KIRREL1: variants seen among roughly 807,000 people sequenced by gnomAD.
The protein encoded by KIRREL1 is kin of IRRE-like protein 1.
KIRREL1 carries 25 observed loss-of-function variants against 83.3 expected under a neutral mutation model. That is an observed-to-expected ratio of 0.30 (90% CI 0.22 to 0.42). The LOEUF (loss-of-function observed/expected upper bound fraction) is 0.42. Among genes scored for constraint, KIRREL1 ranks in the 10% least tolerant of loss-of-function variants. The probability of loss-of-function intolerance (pLI) is 1.00; values close to 1 mark genes in which losing one functional copy is unlikely to be tolerated. For synonymous variants in KIRREL1, 388 were observed against 410.4 expected, an observed-to-expected ratio of 0.95 and a Z score of 0.66; for missense variants, 812 against 1,032.3, an observed-to-expected ratio of 0.79 and a Z score of 2.92.
intron 1 of KIRREL1, among the ~76,000 whole-genome samples, chr1:158,019,303 A>C (rs1407760093): frequency 1.3e-5 from 2 of 152,178 alleles, no homozygotes; most frequent in Non-Finnish European, 2.9e-5. Context: ...GAAGGTGGAA[A>C]AAAAAGGCAT....
chr1:158,019,465 G>A (rs745952151), intron 1 of KIRREL1, among the ~76,000 whole-genome samples: 3 of 152,156 alleles, frequency 2.0e-5, no homozygotes, highest in Non-Finnish European at 4.4e-5. Flanking sequence ...GTGATTGAGA[G>A]GGGGAGGTAG....
At chr1:158,081,507 A>G (rs1661854947) in intron 3 of KIRREL1, among the ~76,000 whole-genome samples, 1 of 152,152 alleles carries the variant, frequency 6.6e-6, no homozygotes, top group South Asian at 2.1e-4. Context: ...GTATTTTTGA[A>G]GTTTTATAAA....
At chr1:158,047,889 A>T (rs1660816906) in intron 1 of KIRREL1, among the ~76,000 whole-genome samples, 1 of 152,058 alleles carries the variant, frequency 6.6e-6, no homozygotes, top group African/African-American at 2.4e-5. Flanking sequence ...TCCTAACCTC[A>T]TGCCCCTTCT....
intron 1 of KIRREL1, among the ~76,000 whole-genome samples, chr1:158,042,054 T>C (rs1660642308): frequency 6.6e-6 from 1 of 152,128 alleles, no homozygotes; most frequent in African/African-American, 2.4e-5. Context: ...TCAGAGAACT[T>C]GTTCAGAGAA....
At chr1:158,071,089 C>A (rs1661498585) in intron 1 of KIRREL1, among the ~76,000 whole-genome samples, 1 of 152,146 alleles carries the variant, frequency 6.6e-6, no homozygotes, top group African/African-American at 2.4e-5. Flanking sequence ...TGCCTTCCTT[C>A]CCCCCTGCTT....
intron 1 of KIRREL1, among the ~76,000 whole-genome samples, chr1:158,069,521 G>A (rs2101616754): frequency 6.6e-6 from 1 of 152,314 alleles, no homozygotes; most frequent in East Asian, 1.9e-4. Context: ...GGAGCAGGGA[G>A]CTGGAGAACA....
chr1:158,021,378 G>C (rs1466593029), intron 1 of KIRREL1, among the ~76,000 whole-genome samples: 1 of 152,186 alleles, frequency 6.6e-6, no homozygotes, highest in Non-Finnish European at 1.5e-5. Context: ...GTCAGCTGGT[G>C]AAAGTATCGT....
In KIRREL1 at chr1:158,099,806, C is replaced by G. The variant is rs1035971441; in HGVS notation, c.*4686C>G. 2.0e-5 allele frequency: 3 copies of G among 152,080 alleles called. No homozygotes were observed. Among genetic ancestry groups the G allele is most frequent in the African/African-American group, 7.2e-5 (3 of 41,392 alleles). The allele number at this position is 152,080 out of a possible 1,614,324, so 9.4% of individuals were successfully genotyped here. A position where few individuals can be genotyped will look rare whatever the true frequency, so the allele number is the denominator to read the frequency against. ...TTGGAGCTCTTCAGATGCTGTCCCC[C>G]CTGAGAATACCCTAACTCTGGGGAA... is the stretch of plus-strand genomic sequence containing the variant. On this transcript the variant is annotated 3_prime_UTR_variant, in exon 15 of 15. Transcript: ENST00000359209.
intron 4 of KIRREL1, 138 bp from the exon 5 acceptor site, chr1:158,086,458 A>AG: frequency 1.5e-6 from 1 of 666,424 alleles, no homozygotes; most frequent in Non-Finnish European, 2.5e-6. Flanking sequence ...ACAAGGGAAG[A>AG]GGTTGTGGGA....
chr1:158,034,640 T>C (rs891155425), intron 1 of KIRREL1, among the ~76,000 whole-genome samples: 6 of 152,232 alleles, frequency 3.9e-5, no homozygotes, highest in Non-Finnish European at 8.8e-5. Context: ...GCTGAGTTTT[T>C]TGTGGCTGAA....
At chr1:158,013,058 G>A (rs1380594440) in intron 1 of KIRREL1, among the ~76,000 whole-genome samples, 3 of 152,172 alleles carry the variant, frequency 2.0e-5, no homozygotes, top group African/African-American at 7.2e-5. Flanking sequence ...GAGAACCACT[G>A]AGCTAACCAG....
intron 1 of KIRREL1, among the ~76,000 whole-genome samples, chr1:158,028,204 G>C (rs1239643533): frequency 6.6e-6 from 1 of 152,156 alleles, no homozygotes; most frequent in Non-Finnish European, 1.5e-5. Flanking sequence ...CAGCTGCAGT[G>C]GTCTGCAGGA....
chr1:158,061,007 C>A (rs1450337123), intron 1 of KIRREL1, among the ~76,000 whole-genome samples: 1 of 152,112 alleles, frequency 6.6e-6, no homozygotes, highest in Admixed American at 6.5e-5. Flanking sequence ...CCTGTAAACC[C>A]ACTGAGGGCT....
At chr1:158,000,272 C>T (rs984869738) in intron 1 of KIRREL1, among the ~76,000 whole-genome samples, 2 of 152,250 alleles carry the variant, frequency 1.3e-5, no homozygotes, top group Middle Eastern at 3.2e-3. Context: ...CTCATCTTTA[C>T]CCAAGCCTTT....
Position 158,094,594 on chromosome 1 carries a change from C to A in KIRREL1, c.1798-50C>A. The A allele has an allele frequency of 6.8e-7, 1 of 1,472,298 alleles. No individual in the cohort carries two copies. The highest frequency in any genetic ancestry group is 9.3e-7 in the Non-Finnish European group (1 of 1,073,136). The allele number at this position is 1,472,298 out of a possible 1,614,324, so 91.2% of individuals were successfully genotyped here. A position where few individuals can be genotyped will look rare whatever the true frequency, so the allele number is the denominator to read the frequency against. On this transcript the variant is annotated intron_variant, in intron 14 of 14. Transcript: ENST00000359209. This position sits in a 1 kb window ranked among gnomAD's most constrained non-coding sequence, Gnocchi z 4.6. ...CAGAAAGCCATGGTGAGACTTGATC[C>A]CCACCCAAGAGGGAACACTGCCTCC...
At chr1:157,995,576 T>A (rs868045128) in intron 1 of KIRREL1, among the ~76,000 whole-genome samples, 2 of 152,296 alleles carry the variant, frequency 1.3e-5, no homozygotes, top group Middle Eastern at 3.4e-3. Flanking sequence ...GTCCCTTTCT[T>A]ACAGCCCTTA....
chr1:158,081,898 C>T (rs1463779493), intron 3 of KIRREL1, among the ~76,000 whole-genome samples: 3 of 152,162 alleles, frequency 2.0e-5, no homozygotes, highest in Admixed American at 6.5e-5. Flanking sequence ...TTCACACACC[C>T]GGGCACACAC....
At position 158,029,366 on chromosome 1, in the gene KIRREL1, T is replaced by TGTGTGTGTGTGTGC. The variant is rs1553238087; in HGVS notation, c.52+35639_52+35640insTGTGTGTGTGTGCG. On this transcript the variant is annotated intron_variant, in intron 1 of 14. Coordinates refer to ENST00000359209, the MANE Select transcript of KIRREL1 (RefSeq NM_018240.7). ...GTGTGTGTGTGTGTGTGTGTGTGTG[T>TGTGTGTGTGTGTGC]GCACGTGCGCGCGCATGCACACATG... Among the ~76,000 whole-genome samples, 1,244 of 148,978 alleles carry TGTGTGTGTGTGTGC rather than the reference T, an allele frequency of 8.4e-3. 15 individuals carry two copies. Among genetic ancestry groups the TGTGTGTGTGTGTGC allele is most frequent in the Non-Finnish European group, 0.011 (752 of 67,008 alleles).
chr1:158,034,819 T>G (rs1660430892), intron 1 of KIRREL1, among the ~76,000 whole-genome samples: 1 of 152,208 alleles, frequency 6.6e-6, no homozygotes, highest in Admixed American at 6.5e-5. Context: ...AGACATATTT[T>G]TGGATAATGT....
Sources: allele counts gnomAD v4.1 joint callset (sites outside exome capture counted in the v4.1 genomes callset), GRCh38; gene constraint gnomAD v4.1.1; non-coding constraint Gnocchi (gnomAD v3.1); transcripts MANE v1.5; gene names NCBI Gene and HGNC (gene_info 2026-07-23, HGNC 2026-07-21).